Variants in PTPRM observed in about 807,000 individuals in gnomAD.
The protein encoded by PTPRM is receptor-type tyrosine-protein phosphatase mu.
In PTPRM, 47 loss-of-function variants were observed where a neutral mutation model predicts 186.7. The ratio of observed to expected loss-of-function variants is 0.25; its 90% CI spans 0.20 to 0.32. The LOEUF is 0.32. Ranked by LOEUF, PTPRM falls within the 10% of genes least tolerant of loss-of-function variation. The pLI, the probability that PTPRM is intolerant of heterozygous loss-of-function variation, is 1.00. For synonymous variants in PTPRM, 668 were observed against 674.9 expected (o/e 0.99, Z 0.16); for missense variants, 1,494 against 1,865.0 (o/e 0.80, Z 3.66).
chr18:8,244,115 G>A lies in PTPRM; in HGVS notation c.2358G>A (p.Val786=). 6.2e-7 allele frequency: 1 copy of A among 1,609,566 alleles called. No individual in the cohort carries two copies. The highest frequency in any genetic ancestry group is 8.5e-7 in the Non-Finnish European group (1 of 1,178,640). The change falls in exon 15 of 33, where the codon GTG becomes GTA. Residue 786 remains valine (V), a synonymous_variant. Transcript: ENST00000580170. ...TMSSTRQEMT[V]MVNSMDKSYA... is the part of the protein sequence containing the mutation. ...GCAGCACCCGACAGGAGATGACTGT[G>A]ATGGTGAACTCAATGGACAAGAGCT...
At chr18:7,653,776 A>G (rs149118513) in intron 1 of PTPRM, among the ~76,000 whole-genome samples, 1 of 152,298 alleles carries the variant, frequency 6.6e-6, no homozygotes, top group Non-Finnish European at 1.5e-5. Context: ...TGCAGTGAAC[A>G]TACACATGCA....
chr18:8,237,934 G>A (rs1277618222), intron 14 of PTPRM, among the ~76,000 whole-genome samples: 1 of 145,636 alleles, frequency 6.9e-6, no homozygotes, highest in African/African-American at 2.7e-5. Context: ...TCACTCCTCT[G>A]TAAGTAACGT....
At chr18:8,144,171 A>T (rs1209112169) in intron 14 of PTPRM, among the ~76,000 whole-genome samples, 1 of 152,210 alleles carries the variant, frequency 6.6e-6, no homozygotes, top group Non-Finnish European at 1.5e-5. Flanking sequence ...GAGGATGATG[A>T]TGATGACAGA....
chr18:7,814,083 G>GTTGTTTTGTGTACACATGT (rs1381013770), intron 2 of PTPRM: 1 of 152,108 alleles, frequency 6.6e-6, no homozygotes, highest in Non-Finnish European at 1.5e-5. Context: ...ACACTTTGTG[G>GTTGTTTTGTGTACACATGT]TTGTGTACAC....
At chr18:7,636,782 G>T (rs2038324290) in intron 1 of PTPRM, among the ~76,000 whole-genome samples, 1 of 152,212 alleles carries the variant, frequency 6.6e-6, no homozygotes, top group African/African-American at 2.4e-5. Context: ...AAGGGACTGG[G>T]TTGGAGGTTT....
chr18:8,150,353 T>C (rs149069611), intron 14 of PTPRM, among the ~76,000 whole-genome samples: 2,208 of 152,250 alleles, frequency 0.015, 49 homozygotes, highest in African/African-American at 0.051. Context: ...CTTTTTATTC[T>C]TTTTTTCTCT....
chr18:8,289,559 T>TACATATATATAC (rs2095011638), intron 19 of PTPRM, among the ~76,000 whole-genome samples: 1 of 101,176 alleles, frequency 9.9e-6, no homozygotes, highest in Non-Finnish European at 1.9e-5. Context: ...TACATATATA[T>TACATATATATAC]ACACATATAT....
intron 23 of PTPRM, chr18:8,365,075 A>G (rs891547175): frequency 2.6e-5 from 4 of 152,208 alleles, no homozygotes; most frequent in African/African-American, 4.8e-5. Flanking sequence ...TCTGCCCCCA[A>G]AAAGGCAGCT....
intron 1 of PTPRM, among the ~76,000 whole-genome samples, chr18:7,643,144 C>T (rs2038483254): frequency 6.6e-6 from 1 of 151,998 alleles, no homozygotes; most frequent in Non-Finnish European, 1.5e-5. Flanking sequence ...TGATGATGTT[C>T]ATGACTGAAA....
In PTPRM at chr18:8,085,681, A is replaced by G. The variant is rs759760004; in HGVS notation, c.1562A>G (p.Lys521Arg). 3.1e-6 allele frequency: 5 copies of G among 1,601,878 alleles called. No individual in the cohort carries two copies. The highest frequency in any genetic ancestry group is 4.3e-6 in the Non-Finnish European group (5 of 1,169,126). Residue 521 changes from lysine to arginine, a missense_variant, in exon 10 of 33, where the codon AAA (lysine) becomes AGA (arginine). Transcript: ENST00000580170. ...GVITLYEITY[K>R]AVSSFDPEID... ...CTCATTCTTTTGCAGATCACCTACA[A>G]AGCAGTCAGTTCCTTTGACCCAGAA...
intron 7 of PTPRM, among the ~76,000 whole-genome samples, chr18:7,955,891 G>A (rs573307053): frequency 3.9e-4 from 59 of 152,288 alleles, no homozygotes; most frequent in African/African-American, 1.3e-3. Context: ...GCTGGCGAAT[G>A]ACTTGGGCCT....
chr18:8,130,782 C>T (rs746007806), intron 13 of PTPRM, among the ~76,000 whole-genome samples: 17 of 152,192 alleles, frequency 1.1e-4, no homozygotes, highest in South Asian at 2.1e-4. Flanking sequence ...CTCTGGAACC[C>T]AATGCACACA....
At chr18:7,927,836 G>A (rs2051263352) in intron 5 of PTPRM, among the ~76,000 whole-genome samples, 1 of 152,110 alleles carries the variant, frequency 6.6e-6, no homozygotes. Context: ...AACCTCCTGG[G>A]ATCAAGTGAT....
chr18:8,307,243 A>T (rs575339903), intron 20 of PTPRM, among the ~76,000 whole-genome samples: 4 of 152,306 alleles, frequency 2.6e-5, no homozygotes, highest in South Asian at 4.1e-4. Flanking sequence ...ATTCTGGAAG[A>T]CATAGGGATT....
intron 1 of PTPRM, chr18:7,749,112 C>G (rs936967012): frequency 6.6e-6 from 1 of 152,182 alleles, no homozygotes; most frequent in Non-Finnish European, 1.5e-5. Flanking sequence ...TTTGGAGTTA[C>G]TTGCCCAGAA....
At chr18:7,675,137 A>C (rs532600817) in intron 1 of PTPRM, among the ~76,000 whole-genome samples, 3 of 152,384 alleles carry the variant, frequency 2.0e-5, no homozygotes, top group Admixed American at 2.0e-4. Flanking sequence ...ATTGGGTTTT[A>C]GTAAAATAAT....
At chr18:7,584,007 A>T (rs2036912823) in intron 1 of PTPRM, among the ~76,000 whole-genome samples, 2 of 152,092 alleles carry the variant, frequency 1.3e-5, no homozygotes, top group South Asian at 2.1e-4. Flanking sequence ...TATTTGAAGG[A>T]TTTAAAATAA....
In PTPRM at chr18:7,986,449, T is replaced by C. The variant is rs560905945; in HGVS notation, c.1132+31035T>C. Among the ~76,000 whole-genome samples, 7 of 152,314 alleles carry C rather than the reference T, an allele frequency of 4.6e-5. No homozygotes were observed. The South Asian group carries it at 8.3e-4, about 18-fold the overall frequency. On this transcript the variant is annotated intron_variant, in intron 7 of 32. Coordinates refer to ENST00000580170, the MANE Select transcript of PTPRM (RefSeq NM_001105244.2). ...ATTGCCAGCTGTTGCCTGGGCAGTG[T>C]TTCCCATTGCCTTTTGGTGCCAGAA...
At chr18:8,214,932 C>T (rs1021005543) in intron 14 of PTPRM, among the ~76,000 whole-genome samples, 1 of 152,176 alleles carries the variant, frequency 6.6e-6, no homozygotes, top group African/African-American at 2.4e-5. Context: ...AAATTACAGG[C>T]GTGAGCCACT....
Sources: allele counts gnomAD v4.1 joint callset (sites outside exome capture counted in the v4.1 genomes callset), GRCh38; gene constraint gnomAD v4.1.1; transcripts MANE v1.5; gene names NCBI Gene and HGNC (gene_info 2026-07-23, HGNC 2026-07-21).